The following EFCAB8 variants were observed in gnomAD, a reference collection of about 807,000 sequenced individuals.
EFCAB8 encodes the protein EF-hand calcium binding domain 8.
In EFCAB8, 100 loss-of-function variants were observed where a neutral mutation model predicts 116.3. The observed-to-expected ratio is 0.86, with a 90% CI of 0.73 to 1.02. The LOEUF (loss-of-function observed/expected upper bound fraction) is 1.02. Ranked by LOEUF, EFCAB8 falls within the 50% of genes least tolerant of loss-of-function variation. The probability of loss-of-function intolerance (pLI) is 0.00; values close to 1 mark genes in which losing one functional copy is unlikely to be tolerated. For missense variants in EFCAB8, 1,320 were observed against 1,416.9 expected, an observed-to-expected ratio of 0.93 and a Z score of 1.10; for synonymous variants, 558 against 567.9, an observed-to-expected ratio of 0.98 and a Z score of 0.25.
At chr20:32,874,615 C>T (rs1353544865) in intron 3 of EFCAB8, among the ~76,000 whole-genome samples, 1 of 152,134 alleles carries the variant, frequency 6.6e-6, no homozygotes, top group African/African-American at 2.4e-5. Context: ...AATCTCGGTT[C>T]ACTGCAACCT....
chr20:32,895,761 G>A (rs1167572557), intron 9 of EFCAB8, among the ~76,000 whole-genome samples: 1 of 151,986 alleles, frequency 6.6e-6, no homozygotes, highest in African/African-American at 2.4e-5. Flanking sequence ...TGTAAAGACA[G>A]GGTTTCACTA....
At chr20:32,930,356 G>C (rs1987846818) in intron 20 of EFCAB8, 42 bp from the exon 21 acceptor site, 3 of 1,514,516 alleles carry the variant, frequency 2.0e-6, no homozygotes, top group Non-Finnish European at 2.7e-6. Context: ...ATGTGACAGT[G>C]GCTCACAGCC....
intron 7 of EFCAB8, among the ~76,000 whole-genome samples, chr20:32,889,975 TG>T (rs1224448540): frequency 2.7e-4 from 37 of 138,266 alleles, no homozygotes; most frequent in Admixed American, 2.6e-3. Context: ...CACTCCAGCA[TG>T]GGCGACAGAG....
In EFCAB8 at chr20:32,931,210, TGATA is replaced by T; in HGVS notation, c.2665_2668del (p.Asp889AsnfsTer22). 3 of 1,550,154 alleles carry T rather than the reference TGATA, an allele frequency of 1.9e-6. No homozygotes were observed. Among genetic ancestry groups the T allele is most frequent in the African/African-American group, 1.4e-5 (1 of 73,104 alleles). ...ACATCAAGGATTACTGCGCATTGAT[TGATA>T]AACAGCCATTCCAATCCAGTGGGGC... On this transcript the variant is annotated frameshift_variant, in exon 22 of 27. Transcript: ENST00000400522. LOFTEE classifies it high-confidence loss of function.
At chr20:32,904,636 G>C (rs7362756) in intron 11 of EFCAB8, among the ~76,000 whole-genome samples, 24,557 of 141,354 alleles carry the variant, frequency 0.17, 2,310 homozygotes, top group Middle Eastern at 0.2. Context: ...AGGCGGTGGC[G>C]GGGTGGGGGT....
At chr20:32,938,213 T>C (rs564157945) in intron 22 of EFCAB8, among the ~76,000 whole-genome samples, 2 of 150,100 alleles carry the variant, frequency 1.3e-5, no homozygotes, top group East Asian at 3.9e-4. Flanking sequence ...ACAAAAGCCA[T>C]ATGATTATGC....
chr20:32,887,666 C>T (rs1220570629), intron 6 of EFCAB8, among the ~76,000 whole-genome samples: 1 of 152,240 alleles, frequency 6.6e-6, no homozygotes, highest in African/African-American at 2.4e-5. Flanking sequence ...GGGCTGGCCT[C>T]CCTCTTCCCC....
chr20:32,931,892 A>G (rs1987924476), intron 22 of EFCAB8, among the ~76,000 whole-genome samples: 1 of 152,286 alleles, frequency 6.6e-6, no homozygotes, highest in Non-Finnish European at 1.5e-5. Context: ...TTTACTCACT[A>G]CAAAATGGAG....
chr20:32,891,822 A>C (rs1353943494), intron 7 of EFCAB8, among the ~76,000 whole-genome samples: 2 of 137,490 alleles, frequency 1.5e-5, no homozygotes, highest in Non-Finnish European at 3.3e-5. Context: ...TGTTGGAAGG[A>C]GTCAGTTTTT....
chr20:32,957,811 T>A lies in EFCAB8; in HGVS notation c.2960-610T>A, dbSNP rs554972612. 1.2e-4 allele frequency among the ~76,000 whole-genome samples: 18 copies of A among 151,874 alleles called. No homozygotes were observed. In the South Asian group the frequency reaches 3.8e-3, roughly 32 times the overall value. ...CAAGAAAGCAGCTCCCACTCCCAGC[T>A]CTTCTTGGAAAGACTTGTCCCTTTC... On this transcript the variant is annotated intron_variant, in intron 23 of 26. Coordinates refer to ENST00000400522, the MANE Select transcript of EFCAB8 (RefSeq NM_001143967.2).
Position 32,918,572 on chromosome 20 carries a change from C to G in EFCAB8, c.2272C>G (p.Gln758Glu). 6.4e-7 allele frequency: 1 copy of G among 1,551,428 alleles called. No homozygotes were observed. ...GGAGCCAGACAGGCCTGTGCCCCAG[C>G]AGGTGGGAGCGAGAGCCCAACCAGA... ...DKEPDRPVPQQKPSSASGTSR... is the reference protein window; with the variant it reads ...DKEPDRPVPQEKPSSASGTSR... Residue 758 changes from glutamine to glutamate, a missense_variant and splice_region_variant, in exon 19 of 27, where the codon CAG becomes GAG. Physicochemically the swap from Gln to Glu is conservative, Grantham distance 29. Coordinates refer to ENST00000400522, the MANE Select transcript of EFCAB8 (RefSeq NM_001143967.2).
At chr20:32,895,313 ATTTT>A (rs11353110) in intron 9 of EFCAB8, among the ~76,000 whole-genome samples, 23 of 127,712 alleles carry the variant, frequency 1.8e-4, no homozygotes, top group Admixed American at 1.6e-4. Flanking sequence ...TTTATTTAAG[ATTTT>A]TTTTTTTTTT....
intron 9 of EFCAB8, among the ~76,000 whole-genome samples, chr20:32,895,728 T>C (rs1485643022): frequency 6.6e-6 from 1 of 151,992 alleles, no homozygotes; most frequent in African/African-American, 2.4e-5. Flanking sequence ...CACACCACCA[T>C]GCCCGGCTAA....
intron 1 of EFCAB8, among the ~76,000 whole-genome samples, chr20:32,862,805 T>A (rs143618489): frequency 3.3e-5 from 5 of 151,944 alleles, no homozygotes; most frequent in Non-Finnish European, 7.4e-5. Context: ...TTTTTTATAT[T>A]TTTAGTAGAG....
chr20:32,930,327 G>A (rs545975512), intron 20 of EFCAB8, 71 bp from the exon 21 acceptor site: 12 of 1,352,312 alleles, frequency 8.9e-6, no homozygotes, highest in African/African-American at 8.7e-5. Context: ...GTGGTGACTT[G>A]CTGAGGTCCC....
At chr20:32,959,599 G>T (rs2146308066) in intron 24 of EFCAB8, among the ~76,000 whole-genome samples, 179 bp from the exon 25 acceptor site, 1 of 152,314 alleles carries the variant, frequency 6.6e-6, no homozygotes, top group South Asian at 2.1e-4. Flanking sequence ...CTGGATCCAG[G>T]CTTTGCAAAT....
In EFCAB8 at chr20:32,909,606, G is replaced by T. The variant is rs569733686; in HGVS notation, c.1447-215G>T. ...GAATTTGGGGTTCTAGGAACACTAG[G>T]GTTTGGAAGGCTCAGTCTCGGGGAG... is the stretch of plus-strand genomic sequence containing the variant. On this transcript the variant is annotated intron_variant, in intron 14 of 26. Transcript: ENST00000400522. Among the ~76,000 whole-genome samples, 19 of 152,174 alleles carry T rather than the reference G, an allele frequency of 1.2e-4. 1 individual carries two copies. In the South Asian group the frequency reaches 3.3e-3, roughly 27 times the overall value.
chr20:32,917,682 A>G (rs1482579387), intron 18 of EFCAB8, among the ~76,000 whole-genome samples, 177 bp downstream of exon 18: 1 of 152,134 alleles, frequency 6.6e-6, no homozygotes, highest in African/African-American at 2.4e-5. Flanking sequence ...TCCTCATTGG[A>G]CAGATGAGAA....
At chr20:32,902,610 GTTGGCACACCCCATGCATTC>G (rs1166593020) in intron 11 of EFCAB8, among the ~76,000 whole-genome samples, 3 of 152,214 alleles carry the variant, frequency 2.0e-5, no homozygotes, top group Non-Finnish European at 4.4e-5. Flanking sequence ...AGCTGGGAGT[GTTGGCACACCCCATGCATTC>G]TTGTCTGCAT....
Sources: gnomAD v4.1 joint callset for allele counts (sites outside exome capture counted in the v4.1 genomes callset) on GRCh38, gnomAD v4.1.1 for gene constraint, MANE v1.5 for transcripts, NCBI Gene and HGNC (gene_info 2026-07-23, HGNC 2026-07-21) for gene names.